Variants in ROBO2 observed in about 807,000 individuals in gnomAD.
The protein encoded by ROBO2 is roundabout homolog 2.
In ROBO2, 53 loss-of-function variants were observed where a neutral mutation model predicts 160.8. That is an observed-to-expected ratio of 0.33 (90% CI 0.26 to 0.41). The LOEUF is 0.41. ROBO2 is among the 10% of genes least tolerant of loss of function. ROBO2 has a pLI of 1.00. For missense variants in ROBO2, 1,577 were observed against 1,722.4 expected (o/e 0.92, Z 1.49); for synonymous variants, 664 against 611.7 (o/e 1.09, Z -1.26).
intron 2 of ROBO2, among the ~76,000 whole-genome samples, chr3:76,049,399 A>ATTTTTTTT (rs1204742605): frequency 1.2e-4 from 6 of 50,364 alleles, no homozygotes; most frequent in African/African-American, 6.8e-4. Context: ...ATATATATAT[A>ATTTTTTTT]TATATTTTTT....
At chr3:77,640,776 A>C (rs2153722376) in intron 24 of ROBO2, among the ~76,000 whole-genome samples, 1 of 152,344 alleles carries the variant, frequency 6.6e-6, no homozygotes, top group South Asian at 2.1e-4. Context: ...TTTTCAAAAA[A>C]CCATTCTTAA....
intron 2 of ROBO2, among the ~76,000 whole-genome samples, chr3:76,321,043 A>G (rs986208605): frequency 1.3e-5 from 2 of 152,240 alleles, no homozygotes; most frequent in Admixed American, 6.5e-5. Flanking sequence ...GAATGCTCCT[A>G]AGAGAAACAT....
At chr3:75,949,856 G>A (rs187420191) in intron 2 of ROBO2, among the ~76,000 whole-genome samples, 5 of 152,098 alleles carry the variant, frequency 3.3e-5, no homozygotes, top group Admixed American at 1.3e-4. Context: ...ACTTTAATTC[G>A]TTATCTGAAC....
rs116509916 is a variant in ROBO2 at position 77,509,422 on chromosome 3, G to A, written c.807-13353G>A. Reference sequence around the variant, plus strand: ...TAAACAATAGAACAAAGACAGGTGTGAGCAAGGATATTCTATTTAACTTAT... The same window carrying A: ...TAAACAATAGAACAAAGACAGGTGTAAGCAAGGATATTCTATTTAACTTAT... On this transcript the variant is annotated intron_variant, in intron 5 of 25. Coordinates refer to ENST00000461745, the Ensembl canonical transcript of ROBO2. Among the ~76,000 whole-genome samples, 177 of 152,146 alleles carry A rather than the reference G, an allele frequency of 1.2e-3. 1 individual carries two copies. Among genetic ancestry groups the A allele is most frequent in the African/African-American group, 4.0e-3 (166 of 41,536 alleles).
At chr3:76,905,034 C>A (rs891140359) in intron 2 of ROBO2, among the ~76,000 whole-genome samples, 1 of 152,056 alleles carries the variant, frequency 6.6e-6, no homozygotes, top group African/African-American at 2.4e-5. Context: ...CTTTTTCTTT[C>A]TTTCTGTTTT....
At chr3:76,198,521 G>T (rs1489714820) in intron 2 of ROBO2, among the ~76,000 whole-genome samples, 1 of 152,076 alleles carries the variant, frequency 6.6e-6, no homozygotes, top group African/African-American at 2.4e-5. Flanking sequence ...TTTTGAAATG[G>T]CTCTGCAAAG....
intron 7 of ROBO2, among the ~76,000 whole-genome samples, chr3:77,550,030 A>C (rs1459934424): frequency 6.6e-6 from 1 of 151,996 alleles, no homozygotes; most frequent in East Asian, 1.9e-4. Flanking sequence ...AAAGCAACAC[A>C]GTTCATCCAA....
intron 2 of ROBO2, among the ~76,000 whole-genome samples, chr3:76,356,860 T>G (rs1480723015): frequency 1.3e-5 from 2 of 151,880 alleles, no homozygotes; most frequent in Admixed American, 1.3e-4. Context: ...ATATTCCTAC[T>G]CATAAAATGT....
intron 2 of ROBO2, among the ~76,000 whole-genome samples, chr3:76,838,299 G>A (rs998537369): frequency 1.3e-5 from 2 of 152,002 alleles, no homozygotes; most frequent in Non-Finnish European, 2.9e-5. Flanking sequence ...TAATTCCTGG[G>A]TGATGAAATA....
intron 2 of ROBO2, among the ~76,000 whole-genome samples, chr3:77,294,919 C>G (rs940133989): frequency 7.4e-6 from 1 of 135,762 alleles, no homozygotes; most frequent in Non-Finnish European, 1.6e-5. Context: ...CTAGATCACC[C>G]CAGACATAAA....
At chr3:76,606,402 G>T (rs995342163) in intron 2 of ROBO2, among the ~76,000 whole-genome samples, 8 of 152,154 alleles carry the variant, frequency 5.3e-5, no homozygotes, top group Non-Finnish European at 1.2e-4. Context: ...TACGATATTT[G>T]CTGTAAAACA....
intron 2 of ROBO2, among the ~76,000 whole-genome samples, chr3:76,223,310 G>C (rs1438405354): frequency 6.6e-6 from 1 of 151,834 alleles, no homozygotes. Context: ...GGCCATTACT[G>C]TTTCCTGGGG....
intron 2 of ROBO2, among the ~76,000 whole-genome samples, chr3:76,477,159 C>T (rs2078972818): frequency 6.6e-6 from 1 of 152,138 alleles, no homozygotes; most frequent in South Asian, 2.1e-4. Flanking sequence ...AATTAGTTCT[C>T]AGTAAAGGTG....
chr3:76,722,319 G>A (rs537376754), intron 2 of ROBO2, among the ~76,000 whole-genome samples: 19 of 152,076 alleles, frequency 1.2e-4, no homozygotes, highest in Non-Finnish European at 2.2e-4. Flanking sequence ...ACAGGGTTTC[G>A]CAATGTTGGC....
chr3:76,543,624 T>C (rs1298366999), intron 2 of ROBO2, among the ~76,000 whole-genome samples: 1 of 152,122 alleles, frequency 6.6e-6, no homozygotes. Flanking sequence ...CCTTCATGTC[T>C]CATCTGTGAC....
chr3:77,513,362 T>C (rs1464738965), intron 5 of ROBO2, among the ~76,000 whole-genome samples: 1 of 151,710 alleles, frequency 6.6e-6, no homozygotes, highest in Non-Finnish European at 1.5e-5. Context: ...GGTTATAAAA[T>C]TTTGCCAGTT....
chr3:76,406,100 G>T (rs918802919), intron 2 of ROBO2, among the ~76,000 whole-genome samples: 1 of 151,426 alleles, frequency 6.6e-6, no homozygotes, highest in Non-Finnish European at 1.5e-5. Context: ...TTTCATTTCA[G>T]TATTGATTGT....
chr3:76,122,153 G>A (rs747392299), intron 2 of ROBO2, among the ~76,000 whole-genome samples: 12 of 152,214 alleles, frequency 7.9e-5, no homozygotes, highest in Admixed American at 4.6e-4. Flanking sequence ...AAGAAAAAAT[G>A]GCTCTAATGC....
At chr3:75,991,692 C>G (rs1196264260) in intron 2 of ROBO2, among the ~76,000 whole-genome samples, 5 of 151,950 alleles carry the variant, frequency 3.3e-5, no homozygotes, top group Admixed American at 6.6e-5. Flanking sequence ...CTTTGGAATT[C>G]AGTAACAAGC....
Sources: gnomAD v4.1 joint callset for allele counts (sites outside exome capture counted in the v4.1 genomes callset) on GRCh38, gnomAD v4.1.1 for gene constraint, MANE v1.5 for transcripts, NCBI Gene and HGNC (gene_info 2026-07-23, HGNC 2026-07-21) for gene names.